The following PIP4K2A variants were observed in gnomAD, a reference collection of about 807,000 sequenced individuals.
PIP4K2A encodes phosphatidylinositol 5-phosphate 4-kinase type-2 alpha.
In PIP4K2A, 14 loss-of-function variants were observed where a neutral mutation model predicts 42.9. The observed-to-expected ratio is 0.33, with a 90% CI of 0.22 to 0.51. The LOEUF (loss-of-function observed/expected upper bound fraction) is 0.51. Ranked by LOEUF, PIP4K2A falls within the 20% of genes least tolerant of loss-of-function variation. PIP4K2A has a pLI of 0.97. For missense variants in PIP4K2A, 434 were observed against 519.8 expected, an observed-to-expected ratio of 0.83 and a Z score of 1.61; for synonymous variants, 192 against 192.2, an observed-to-expected ratio of 1.00 and a Z score of 0.01.
intron 7 of PIP4K2A, among the ~76,000 whole-genome samples, chr10:22,547,993 C>G (rs904764584): frequency 2.0e-5 from 3 of 152,102 alleles, no homozygotes; most frequent in East Asian, 1.9e-4. Context: ...ATCTCCTACT[C>G]GAGGCATTAA....
chr10:22,604,087 T>C (rs377111337), intron 3 of PIP4K2A, among the ~76,000 whole-genome samples: 2 of 152,298 alleles, frequency 1.3e-5, no homozygotes, highest in East Asian at 1.9e-4. Flanking sequence ...TTATTAACAA[T>C]GGATATTCTA....
At chr10:22,550,544 G>C (rs1836381750) in intron 7 of PIP4K2A, 115 bp downstream of exon 7, 2 of 723,274 alleles carry the variant, frequency 2.8e-6, no homozygotes, top group Non-Finnish European at 5.0e-6. Flanking sequence ...CTAAGGTAGA[G>C]TATGCAGGTT....
intron 1 of PIP4K2A, among the ~76,000 whole-genome samples, chr10:22,655,854 G>A (rs1434896926): frequency 6.6e-6 from 1 of 152,166 alleles, no homozygotes; most frequent in Non-Finnish European, 1.5e-5. Context: ...CCGGGTTCCT[G>A]TGTCAGCCTT....
At chr10:22,641,641 G>A (rs1838785756) in intron 1 of PIP4K2A, among the ~76,000 whole-genome samples, 1 of 151,202 alleles carries the variant, frequency 6.6e-6, no homozygotes, top group African/African-American at 2.4e-5. Context: ...TTGTAGAGAT[G>A]GGTTCTGAGA....
At chr10:22,618,655 C>CAGAGAGAA (rs1455644378) in intron 1 of PIP4K2A, among the ~76,000 whole-genome samples, 16 of 152,220 alleles carry the variant, frequency 1.1e-4, no homozygotes, top group Non-Finnish European at 2.1e-4. Flanking sequence ...CTCTCCAGAG[C>CAGAGAGAA]TATCTGCACA....
At chr10:22,645,568 AAAG>A (rs1041962905) in intron 1 of PIP4K2A, among the ~76,000 whole-genome samples, 1 of 151,634 alleles carries the variant, frequency 6.6e-6, no homozygotes, top group Non-Finnish European at 1.5e-5. Context: ...AAAAAAAAGA[AAAG>A]AAAAGAAAAG....
chr10:22,654,689 C>A (rs1238585254), intron 1 of PIP4K2A, among the ~76,000 whole-genome samples: 1 of 152,130 alleles, frequency 6.6e-6, no homozygotes, highest in Non-Finnish European at 1.5e-5. Flanking sequence ...GGAAGCCCTG[C>A]AAGCTGGAGT....
intron 1 of PIP4K2A, among the ~76,000 whole-genome samples, chr10:22,621,957 T>C (rs146252076): frequency 1.3e-5 from 2 of 152,246 alleles, no homozygotes; most frequent in East Asian, 3.9e-4. Context: ...AGAGGAAGGG[T>C]ACCATGCTGC....
At chr10:22,690,241 G>A (rs886264750) in intron 1 of PIP4K2A, among the ~76,000 whole-genome samples, 15 of 152,072 alleles carry the variant, frequency 9.9e-5, no homozygotes, top group Non-Finnish European at 1.9e-4. Flanking sequence ...TACTACCCAC[G>A]TTGTATAAAT....
intron 1 of PIP4K2A, among the ~76,000 whole-genome samples, chr10:22,685,986 C>G (rs1839757950): frequency 6.6e-6 from 1 of 152,178 alleles, no homozygotes; most frequent in Non-Finnish European, 1.5e-5. Flanking sequence ...CCACGCCATC[C>G]TCTCCCTCTC....
chr10:22,655,938 A>G (rs1023648569), intron 1 of PIP4K2A, among the ~76,000 whole-genome samples: 2 of 151,992 alleles, frequency 1.3e-5, no homozygotes, highest in African/African-American at 2.4e-5. Flanking sequence ...AAAGCGCTGG[A>G]GTGGGCATCA....
intron 1 of PIP4K2A, among the ~76,000 whole-genome samples, chr10:22,699,658 C>T (rs534738598): frequency 8.5e-5 from 13 of 152,280 alleles, no homozygotes; most frequent in Non-Finnish European, 1.5e-4. Context: ...ACATCTATAC[C>T]TGGTTATCCT....
intron 1 of PIP4K2A, among the ~76,000 whole-genome samples, chr10:22,641,618 T>TA (rs869256762): frequency 1.7e-4 from 26 of 149,360 alleles, no homozygotes; most frequent in East Asian, 1.6e-3. Flanking sequence ...GGTTTTTTTT[T>TA]AAAAAAAAAA....
chr10:22,669,251 G>A (rs1413020036), intron 1 of PIP4K2A, among the ~76,000 whole-genome samples: 2 of 152,120 alleles, frequency 1.3e-5, no homozygotes, highest in Non-Finnish European at 2.9e-5. Context: ...GGAAAGGTAT[G>A]TATAGTTATG....
At position 22,607,582 on chromosome 10, in the gene PIP4K2A, C is replaced by G. The variant is rs185020743; in HGVS notation, c.339+345G>C. Among the ~76,000 whole-genome samples the G allele has an allele frequency of 8.5e-5, 13 of 152,326 alleles. No homozygotes were observed. The East Asian group carries it at 2.5e-3, about 29-fold the overall frequency. On this transcript the variant is annotated intron_variant, in intron 3 of 9. Coordinates refer to ENST00000376573, the MANE Select transcript of PIP4K2A (RefSeq NM_005028.5). The stretch of plus-strand genomic sequence containing the variant: ...AAGATACAAAACATGCACACTCACA[C>G]AGGCTACTGACATGTCTGACAGCAG...
chr10:22,565,839 C>CT (rs1029703774), intron 6 of PIP4K2A, among the ~76,000 whole-genome samples: 192 of 3,102 alleles, frequency 0.062, no homozygotes, highest in East Asian at 0.17. Flanking sequence ...TTATAAACAG[C>CT]CCCCCCAGGT....
At chr10:22,681,823 T>C (rs567077863) in intron 1 of PIP4K2A, among the ~76,000 whole-genome samples, 6 of 152,278 alleles carry the variant, frequency 3.9e-5, no homozygotes, top group African/African-American at 1.4e-4. Context: ...CAGTAAATAA[T>C]TCTAGGCTCT....
At chr10:22,590,490 A>G (rs1177510027) in intron 4 of PIP4K2A, among the ~76,000 whole-genome samples, 1 of 152,212 alleles carries the variant, frequency 6.6e-6, no homozygotes, top group East Asian at 1.9e-4. Flanking sequence ...TAAGCACTTG[A>G]CATGCAATTT....
chr10:22,627,810 A>G (rs1034536137), intron 1 of PIP4K2A, among the ~76,000 whole-genome samples: 2 of 152,078 alleles, frequency 1.3e-5, no homozygotes, highest in Non-Finnish European at 2.9e-5. Context: ...TTTCTTATGT[A>G]AAGACAGTCT....
Sources: gnomAD v4.1 joint callset for allele counts (sites outside exome capture counted in the v4.1 genomes callset) on GRCh38, gnomAD v4.1.1 for gene constraint, MANE v1.5 for transcripts, NCBI Gene and HGNC (gene_info 2026-07-23, HGNC 2026-07-21) for gene names.